UNC45B: variants seen among roughly 807,000 people sequenced by gnomAD.
UNC45B encodes unc-45 myosin chaperone B.
A neutral mutation model predicts 98.7 loss-of-function variants in UNC45B; 78 were observed. The observed-to-expected ratio is 0.79, with a 90% confidence interval of 0.66 to 0.95. The LOEUF (loss-of-function observed/expected upper bound fraction) is 0.95, where lower values mean the gene tolerates loss of function less well. Among genes scored for constraint, UNC45B ranks in the 40% least tolerant of loss-of-function variants. The probability of loss-of-function intolerance (pLI) is 0.00; values close to 1 mark genes in which losing one functional copy is unlikely to be tolerated. For synonymous variants in UNC45B, 462 were observed against 480.4 expected, an observed-to-expected ratio of 0.96 and a Z score of 0.50; for missense variants, 1,225 against 1,184.9, an observed-to-expected ratio of 1.03 and a Z score of -0.50.
intron 13 of UNC45B, among the ~76,000 whole-genome samples, chr17:35,173,166 G>A (rs917555076): frequency 2.0e-4 from 27 of 132,614 alleles, no homozygotes; most frequent in Admixed American, 1.8e-3. Flanking sequence ...TCCCTCTGTC[G>A]CCCAGGCGGA....
intron 5 of UNC45B, 104 bp downstream of exon 5, chr17:35,153,086 C>T: frequency 1.0e-6 from 1 of 999,882 alleles, no homozygotes; most frequent in Non-Finnish European, 1.5e-6. Context: ...CTTTGCAGCC[C>T]AGGAAGGAAA....
Position 35,168,244 on chromosome 17 carries a change from C to T in UNC45B, c.1335C>T (p.Leu445=). The change falls in exon 10 of 20, where the codon CTC becomes CTT. Residue 445 remains leucine, a synonymous_variant. Transcript: ENST00000394570. ...ACCAGCTGGTGGCCGTGGAGGCCCT[C>T]ATCCATGCCTCCACGAAGCTCAGCC... ...ETDQLVAVEA[L]IHASTKLSRA... is the part of the protein sequence containing the mutation. The T allele has an allele frequency of 6.3e-7, 1 of 1,582,368 alleles. No homozygotes were observed. The highest frequency in any genetic ancestry group is 1.7e-4 in the Middle Eastern group (1 of 5,940).
intron 10 of UNC45B, among the ~76,000 whole-genome samples, chr17:35,168,816 T>G (rs1289447374): frequency 1.3e-5 from 2 of 151,992 alleles, no homozygotes; most frequent in African/African-American, 2.4e-5. Flanking sequence ...AGGTGACTCT[T>G]GTGCCTCAGC....
intron 8 of UNC45B, among the ~76,000 whole-genome samples, chr17:35,163,233 C>T (rs1445712000): frequency 3.3e-5 from 5 of 152,330 alleles, no homozygotes; most frequent in African/African-American, 1.2e-4. Flanking sequence ...AAGTGAATCA[C>T]CTCATCTTCA....
chr17:35,183,940 T>C (rs1282108337), intron 19 of UNC45B, among the ~76,000 whole-genome samples: 7 of 151,938 alleles, frequency 4.6e-5, no homozygotes, highest in African/African-American at 7.3e-5. Flanking sequence ...AAGGAGCTTA[T>C]GGTTTGGCAA....
intron 2 of UNC45B, 124 bp downstream of exon 2, chr17:35,148,555 TGGA>T: frequency 1.7e-6 from 2 of 1,152,334 alleles, no homozygotes; most frequent in Non-Finnish European, 2.4e-6. Context: ...TGCCTGGGGT[TGGA>T]GAAGGGTGCC....
chr17:35,154,714 G>A lies in UNC45B; in HGVS notation c.612G>A (p.Ser204=), dbSNP rs557599822. The change falls in exon 6 of 20, where the codon TCG becomes TCA. Residue 204 remains serine, a synonymous_variant. Transcript: ENST00000394570. ...TGCTGGCTGCAGTGCGGACCCTGTC[G>A]GGCATGTGCAGCGGCCACCAAGCCA... The part of the protein sequence containing the change: ...ELVLAAVRTL[S]GMCSGHQARA... The A allele has an allele frequency of 3.8e-5, 61 of 1,599,868 alleles. No homozygotes were observed. In the South Asian group the frequency reaches 4.8e-4, roughly 13 times the overall value.
Position 35,180,664 on chromosome 17 carries a change from G to A in UNC45B, c.2361G>A (p.Val787=). The stretch of plus-strand genomic sequence containing the variant: ...CCACCGAGTGCATGTGCAACATGGT[G>A]CTCCACAAGGAGGTGAGGCAGGGGC... The part of the protein sequence containing the change: ...QAATECMCNM[V]LHKEVQERFL... Residue 787 remains valine (V), a synonymous_variant, in exon 18 of 20, where the codon GTG becomes GTA. Coordinates refer to ENST00000394570, the MANE Select transcript of UNC45B (RefSeq NM_001267052.2). 6.2e-7 allele frequency: 1 copy of A among 1,613,364 alleles called. No homozygotes were observed.
At chr17:35,171,276 A>T in intron 12 of UNC45B, 46 bp from the exon 13 acceptor site, 1 of 1,601,624 alleles carries the variant, frequency 6.2e-7, no homozygotes, top group Non-Finnish European at 8.5e-7. Flanking sequence ...GGTTTGTCCT[A>T]AAGTTTCCTT....
intron 5 of UNC45B, among the ~76,000 whole-genome samples, chr17:35,153,935 A>C (rs886786110): frequency 1.3e-5 from 2 of 152,034 alleles, no homozygotes; most frequent in Admixed American, 6.6e-5. Context: ...TGCATCCTTA[A>C]GTTGGAAGGC....
chr17:35,154,462 A>C (rs1051172083), intron 5 of UNC45B, 112 bp from the exon 6 acceptor site: 2 of 991,406 alleles, frequency 2.0e-6, no homozygotes, highest in South Asian at 3.4e-5. Flanking sequence ...AGATAATAGA[A>C]CAATGTTCTG....
chr17:35,161,222 G>T (rs2092100129), intron 8 of UNC45B, among the ~76,000 whole-genome samples: 2 of 152,168 alleles, frequency 1.3e-5, no homozygotes, highest in African/African-American at 4.8e-5. Context: ...TTTGTAAAGG[G>T]CACCAACATG....
At chr17:35,179,240 G>A (rs373927601) in intron 17 of UNC45B, among the ~76,000 whole-genome samples, 2 of 152,160 alleles carry the variant, frequency 1.3e-5, no homozygotes, top group Admixed American at 6.5e-5. Flanking sequence ...TTGAGCAGTG[G>A]TTTGTAGTTC....
intron 4 of UNC45B, among the ~76,000 whole-genome samples, chr17:35,152,237 C>T (rs189119593): frequency 0.011 from 1,691 of 151,954 alleles, 14 homozygotes; most frequent in Non-Finnish European, 0.019. Context: ...CAGAGCAAGA[C>T]TGCATCTCAA....
At chr17:35,162,589 C>A (rs559686814) in intron 8 of UNC45B, among the ~76,000 whole-genome samples, 1 of 151,324 alleles carries the variant, frequency 6.6e-6, no homozygotes, top group Non-Finnish European at 1.5e-5. Context: ...AAGCCACTTC[C>A]AGGCACTTTT....
chr17:35,173,212 G>C (rs1244637062), intron 13 of UNC45B, among the ~76,000 whole-genome samples: 2 of 141,312 alleles, frequency 1.4e-5, no homozygotes, highest in African/African-American at 5.3e-5. Context: ...TGCAACCTCC[G>C]CCTCTTGGGC....
chr17:35,175,060 GAAGAAAGAAA>G (rs2092219919), intron 14 of UNC45B, among the ~76,000 whole-genome samples: 1 of 110,056 alleles, frequency 9.1e-6, no homozygotes, highest in Non-Finnish European at 2.0e-5. Context: ...AGAAAGGAAA[GAAGAAAGAAA>G]GAAAGAAAGA....
chr17:35,179,568 G>A (rs2092259710), intron 17 of UNC45B, among the ~76,000 whole-genome samples: 1 of 152,138 alleles, frequency 6.6e-6, no homozygotes, highest in Non-Finnish European at 1.5e-5. Flanking sequence ...ATACTATGCA[G>A]CCATAAAAAA....
At position 35,164,054 on chromosome 17, in the gene UNC45B, C is replaced by G. The variant is rs2092120958; in HGVS notation, c.1039C>G (p.Leu347Val). 6.2e-7 allele frequency: 1 copy of G among 1,613,952 alleles called. No homozygotes were observed. The highest frequency in any genetic ancestry group is 1.7e-5 in the Admixed American group (1 of 59,986). ...TCCAGATCTGCCATCCTGCCTGCCC[C>G]TGACTGACAACACCCGCATGCTGGC... Reference protein sequence around the residue: ...QVPDLPSCLPLTDNTRMLASI... With the variant: ...QVPDLPSCLPVTDNTRMLASI... Residue 347 changes from leucine to valine, a missense_variant, in exon 9 of 20, where the codon CTG becomes GTG. Transcript: ENST00000394570.
Sources: allele counts gnomAD v4.1 joint callset (sites outside exome capture counted in the v4.1 genomes callset), GRCh38; gene constraint gnomAD v4.1.1; transcripts MANE v1.5; gene names NCBI Gene and HGNC (gene_info 2026-07-23, HGNC 2026-07-21).